The following GRIK1 variants were observed in gnomAD, a reference collection of about 807,000 sequenced individuals.
GRIK1 encodes glutamate receptor ionotropic, kainate 1.
In GRIK1, 69 loss-of-function variants were observed where a neutral mutation model predicts 105.7. The observed-to-expected ratio is 0.65, with a 90% CI of 0.54 to 0.80. GRIK1 has a LOEUF of 0.80. Among genes scored for constraint, GRIK1 ranks in the 30% least tolerant of loss-of-function variants. The pLI is 0.00. For synonymous variants in GRIK1, 438 were observed against 431.3 expected, an observed-to-expected ratio of 1.02 and a Z score of -0.19; for missense variants, 1,109 against 1,167.3, an observed-to-expected ratio of 0.95 and a Z score of 0.73.
intron 1 of GRIK1, among the ~76,000 whole-genome samples, chr21:29,775,250 T>C (rs995566989): frequency 3.9e-5 from 5 of 127,402 alleles, no homozygotes; most frequent in African/African-American, 1.5e-4. Context: ...CACTCCAGCC[T>C]GGGCGACAGA....
At chr21:29,629,782 C>G (rs1456482877) in intron 7 of GRIK1, among the ~76,000 whole-genome samples, 1 of 152,156 alleles carries the variant, frequency 6.6e-6, no homozygotes, top group Non-Finnish European at 1.5e-5. Context: ...AGCCACCGCG[C>G]CTGGCCAATT....
intron 1 of GRIK1, among the ~76,000 whole-genome samples, chr21:29,846,337 G>A (rs2068111855): frequency 6.9e-6 from 1 of 145,194 alleles, no homozygotes; most frequent in South Asian, 2.2e-4. Context: ...GCAGTGAGCC[G>A]AGATCACACC....
chr21:29,893,799 A>G (rs2070001942), intron 1 of GRIK1, among the ~76,000 whole-genome samples: 1 of 152,220 alleles, frequency 6.6e-6, no homozygotes, highest in African/African-American at 2.4e-5. Context: ...AAGTACTAGC[A>G]TGGAGGTTGC....
intron 1 of GRIK1, among the ~76,000 whole-genome samples, chr21:29,878,121 G>A (rs369559384): frequency 2.9e-4 from 44 of 152,156 alleles, no homozygotes; most frequent in South Asian, 2.3e-3. Context: ...GAATGAGAGC[G>A]GAGAGATTAG....
At chr21:29,560,941 G>A (rs146826675) in intron 15 of GRIK1, among the ~76,000 whole-genome samples, 7 of 152,014 alleles carry the variant, frequency 4.6e-5, no homozygotes, top group African/African-American at 1.7e-4. Context: ...TAGAGAGGGA[G>A]TTTTCTATGG....
At chr21:29,735,867 T>C (rs1425842131) in intron 1 of GRIK1, among the ~76,000 whole-genome samples, 1 of 132,498 alleles carries the variant, frequency 7.5e-6, no homozygotes, top group Non-Finnish European at 1.6e-5. Context: ...AAAAAAAAAA[T>C]TGAAAACATA....
intron 7 of GRIK1, among the ~76,000 whole-genome samples, chr21:29,607,186 G>A (rs1016860748): frequency 1.1e-4 from 16 of 152,096 alleles, no homozygotes; most frequent in Non-Finnish European, 2.2e-4. Context: ...CTAGATGCAG[G>A]TAATCTAACT....
At chr21:29,580,150 T>C (rs545468515) in intron 13 of GRIK1, among the ~76,000 whole-genome samples, 1 of 144,080 alleles carries the variant, frequency 6.9e-6, no homozygotes, top group East Asian at 2.0e-4. Flanking sequence ...TACATATATA[T>C]ATACACATAC....
intron 1 of GRIK1, among the ~76,000 whole-genome samples, chr21:29,925,211 G>T (rs536765204): frequency 6.6e-6 from 1 of 152,278 alleles, no homozygotes; most frequent in Admixed American, 6.5e-5. Flanking sequence ...AGGATCACAG[G>T]ATAAATTTCT....
intron 12 of GRIK1, among the ~76,000 whole-genome samples, chr21:29,581,957 G>A (rs1463608419): frequency 1.3e-5 from 2 of 152,152 alleles, no homozygotes; most frequent in Non-Finnish European, 2.9e-5. Context: ...ATATTGTGTC[G>A]TTAGGTCCTG....
intron 1 of GRIK1, among the ~76,000 whole-genome samples, chr21:29,889,890 T>A (rs2069827183): frequency 6.6e-6 from 1 of 152,052 alleles, no homozygotes; most frequent in African/African-American, 2.4e-5. Flanking sequence ...TTCTTATACA[T>A]CTAAGTTTTA....
chr21:29,884,408 G>A (rs463021), intron 1 of GRIK1, among the ~76,000 whole-genome samples: 21,515 of 151,924 alleles, frequency 0.14, 1,790 homozygotes, highest in East Asian at 0.34. Context: ...AGGAAGAACA[G>A]GTTGGTTGTA....
At chr21:29,692,472 C>A (rs2063603373) in intron 2 of GRIK1, among the ~76,000 whole-genome samples, 1 of 152,176 alleles carries the variant, frequency 6.6e-6, no homozygotes, top group Non-Finnish European at 1.5e-5. Context: ...TGTCCATAGA[C>A]AATTTTGACC....
At position 29,642,390 on chromosome 21, in the gene GRIK1, T is replaced by C. The variant is rs116520859; in HGVS notation, c.1098+436A>G. Among the ~76,000 whole-genome samples the C allele has an allele frequency of 3.0e-3, 459 of 152,238 alleles. 2 individuals are homozygous for C. The highest frequency in any genetic ancestry group is 0.01 in the African/African-American group (424 of 41,542). On this transcript the variant is annotated intron_variant, in intron 7 of 17. Coordinates refer to ENST00000327783, the MANE Select transcript of GRIK1 (RefSeq NM_001330994.2). ...AATAGTCACTATATAATTAAAGAGG[T>C]CCTTCCACTCAGTCCTGTACAGCCT... is the stretch of plus-strand genomic sequence containing the variant.
intron 1 of GRIK1, among the ~76,000 whole-genome samples, chr21:29,810,900 G>A (rs1041998853): frequency 5.9e-5 from 9 of 152,134 alleles, no homozygotes; most frequent in Admixed American, 3.3e-4. Flanking sequence ...TGTGGCAGCT[G>A]GATTACTCTG....
intron 1 of GRIK1, among the ~76,000 whole-genome samples, chr21:29,905,619 A>ATTTTTTTTTTT (rs869179451): frequency 6.9e-5 from 5 of 72,582 alleles, no homozygotes; most frequent in Non-Finnish European, 1.0e-4. Flanking sequence ...CAAATTTTGT[A>ATTTTTTTTTTT]TTTTTTTTTT....
chr21:29,746,049 A>C (rs1316882575), intron 1 of GRIK1, among the ~76,000 whole-genome samples: 1 of 152,176 alleles, frequency 6.6e-6, no homozygotes, highest in Non-Finnish European at 1.5e-5. Flanking sequence ...GCTTGCAGTG[A>C]GCCAAGATCG....
intron 12 of GRIK1, among the ~76,000 whole-genome samples, chr21:29,582,135 G>A (rs1416319038): frequency 6.6e-6 from 1 of 152,148 alleles, no homozygotes; most frequent in East Asian, 1.9e-4. Flanking sequence ...TGTATTAGAT[G>A]TTTTTCGAAT....
chr21:29,769,172 C>T (rs371012196), intron 1 of GRIK1, among the ~76,000 whole-genome samples: 4 of 152,170 alleles, frequency 2.6e-5, no homozygotes, highest in African/African-American at 7.2e-5. Flanking sequence ...AAAAAAGACA[C>T]CTTGTAATCA....
Sources: gnomAD v4.1 joint callset for allele counts (sites outside exome capture counted in the v4.1 genomes callset) on GRCh38, gnomAD v4.1.1 for gene constraint, MANE v1.5 for transcripts, NCBI Gene and HGNC (gene_info 2026-07-23, HGNC 2026-07-21) for gene names.